The following UMAD1 variants were observed in gnomAD, a reference collection of about 807,000 sequenced individuals.
UMAD1 encodes UBAP1-MVB12-associated (UMA)-domain containing protein 1.
A neutral mutation model predicts 6.1 loss-of-function variants in UMAD1; 8 were observed. The ratio of observed to expected loss-of-function variants is 1.30; its 90% CI spans 0.76 to 2.35. The LOEUF is 2.35. UMAD1 is among the 30% of genes most tolerant of loss of function. UMAD1 has a pLI of 0.00. For missense variants in UMAD1, 130 were observed against 78.4 expected, an observed-to-expected ratio of 1.66 and a Z score of -2.49; for synonymous variants, 56 against 31.4, an observed-to-expected ratio of 1.78 and a Z score of -2.61.
chr7:7,729,973 T>C (rs1781215476), intron 2 of UMAD1, among the ~76,000 whole-genome samples: 1 of 152,230 alleles, frequency 6.6e-6, no homozygotes, highest in South Asian at 2.1e-4. Flanking sequence ...GTCTGGAGCC[T>C]ATGGTCAATA....
intron 2 of UMAD1, among the ~76,000 whole-genome samples, chr7:7,741,602 T>A (rs1583789965): frequency 1.4e-5 from 2 of 147,584 alleles, no homozygotes; most frequent in African/African-American, 4.9e-5. Flanking sequence ...ATAATAATAA[T>A]AATAATAATA....
chr7:7,654,772 C>G (rs977885111), intron 1 of UMAD1, among the ~76,000 whole-genome samples: 1 of 151,666 alleles, frequency 6.6e-6, no homozygotes, highest in Non-Finnish European at 1.5e-5. Context: ...GGTGTGGTGG[C>G]GGGTGCCTGT....
At chr7:7,807,792 G>A (rs890785840) in intron 3 of UMAD1, among the ~76,000 whole-genome samples, 1 of 151,998 alleles carries the variant, frequency 6.6e-6, no homozygotes, top group Non-Finnish European at 1.5e-5. Context: ...CAGAAAAATC[G>A]AAAGTTTTCA....
chr7:7,863,609 A>G (rs1353053043), intron 3 of UMAD1, among the ~76,000 whole-genome samples: 5 of 151,960 alleles, frequency 3.3e-5, no homozygotes, highest in African/African-American at 4.8e-5. Context: ...TGCCTTTTTT[A>G]TGTAAATGGG....
chr7:7,856,545 C>A (rs1784022169), intron 3 of UMAD1, among the ~76,000 whole-genome samples: 1 of 152,198 alleles, frequency 6.6e-6, no homozygotes, highest in South Asian at 2.1e-4. Flanking sequence ...GATTACAATT[C>A]AAGATGAGAT....
chr7:7,681,818 A>G lies in UMAD1; in HGVS notation c.82+8365A>G, dbSNP rs928323859. Among the ~76,000 whole-genome samples the G allele has an allele frequency of 4.6e-5, 7 of 152,166 alleles. No homozygotes were observed. The East Asian group carries it at 1.3e-3, about 29-fold the overall frequency. On this transcript the variant is annotated intron_variant, in intron 2 of 3. Coordinates refer to ENST00000682710, the MANE Select transcript of UMAD1 (RefSeq NM_001302348.2). ...TTATCTTTAAGTTGATTACAAATTT[A>G]CTAGTGTAGTGGCAAGCTCATAGTT...
At chr7:7,778,475 G>C (rs1782271885) in intron 2 of UMAD1, among the ~76,000 whole-genome samples, 1 of 151,174 alleles carries the variant, frequency 6.6e-6, no homozygotes, top group South Asian at 2.1e-4. Flanking sequence ...CCATGCTGGA[G>C]TGCAGGGGTG....
rs999497772 is a variant in UMAD1, at chr7:7,843,380, A to C, written c.157-33901A>C. ...AAGACTGGTAGATTCTCCTGTGAAG[A>C]ATAGTAAACCTGTTTTAAAGTGAAA... On this transcript the variant is annotated intron_variant, in intron 3 of 3. Transcript: ENST00000682710. Among the ~76,000 whole-genome samples, 13 of 152,324 alleles carry C rather than the reference A, an allele frequency of 8.5e-5. 1 individual carries two copies. In the South Asian group the frequency reaches 2.5e-3, roughly 29 times the overall value.
intron 2 of UMAD1, among the ~76,000 whole-genome samples, chr7:7,734,079 T>A (rs936363040): frequency 2.0e-5 from 3 of 152,176 alleles, no homozygotes; most frequent in Non-Finnish European, 4.4e-5. Context: ...ACCCTTTTTT[T>A]AAACTTTTGA....
intron 1 of UMAD1, among the ~76,000 whole-genome samples, chr7:7,652,365 ATATAGT>A (rs2115551402): frequency 6.6e-6 from 1 of 152,280 alleles, no homozygotes; most frequent in South Asian, 2.1e-4. Context: ...TTTTCAGTTG[ATATAGT>A]TATTACCAAT....
intron 1 of UMAD1, among the ~76,000 whole-genome samples, chr7:7,672,978 G>A (rs532941114): frequency 5.9e-4 from 90 of 152,148 alleles, no homozygotes; most frequent in Non-Finnish European, 9.0e-4. Context: ...ACCCAAACCA[G>A]TGTCTGTTTT....
intron 2 of UMAD1, chr7:7,718,404 C>G (rs1042611134): frequency 6.6e-6 from 1 of 152,082 alleles, no homozygotes; most frequent in East Asian, 1.9e-4. Context: ...TGAATAAGAA[C>G]GGAGTAAAAA....
At chr7:7,737,240 G>A (rs34627388) in intron 2 of UMAD1, among the ~76,000 whole-genome samples, 44,359 of 152,120 alleles carry the variant, frequency 0.29, 7,376 homozygotes, top group African/African-American at 0.46. Context: ...ACTTTGGTGA[G>A]TTAATTAACC....
At chr7:7,803,229 G>T (rs992103907) in intron 3 of UMAD1, among the ~76,000 whole-genome samples, 18 of 152,216 alleles carry the variant, frequency 1.2e-4, no homozygotes, top group Non-Finnish European at 1.3e-4. Context: ...TGGTCCCTGT[G>T]CTTTGGGAGG....
Position 7,796,244 on chromosome 7 carries a change from C to CTTTTTTTTTTTTTTTTTTTTTTTTTTTTT in UMAD1, c.83-5402_83-5401insTTTTTTTTTTTTTTTTTTTTTTTTTTTTT, listed in dbSNP as rs59221325. ...ACTTTGACCCATTTCTATTTTCTTT[C>CTTTTTTTTTTTTTTTTTTTTTTTTTTTTT]TTTTTTTTTTTTTTTTTTTTTTTTG... On this transcript the variant is annotated intron_variant, in intron 2 of 3. Coordinates refer to ENST00000682710, the MANE Select transcript of UMAD1 (RefSeq NM_001302348.2). 2.5e-4 allele frequency among the ~76,000 whole-genome samples: 16 copies of CTTTTTTTTTTTTTTTTTTTTTTTTTTTTT among 63,950 alleles called. 3 individuals are homozygous for CTTTTTTTTTTTTTTTTTTTTTTTTTTTTT. The highest frequency in any genetic ancestry group is 1.5e-3 in the African/African-American group (15 of 10,242). The allele number at this position is 63,950 out of a possible 152,430, so 42.0% of individuals were successfully genotyped here.
At chr7:7,683,686 G>A (rs1294223625) in intron 2 of UMAD1, among the ~76,000 whole-genome samples, 1 of 151,776 alleles carries the variant, frequency 6.6e-6, no homozygotes, top group Non-Finnish European at 1.5e-5. Flanking sequence ...GCAGTGGCAT[G>A]GTCTCTGTTC....
intron 1 of UMAD1, among the ~76,000 whole-genome samples, chr7:7,672,120 C>A (rs1379452119): frequency 6.6e-6 from 1 of 152,170 alleles, no homozygotes; most frequent in Non-Finnish European, 1.5e-5. Context: ...CTCACCCTCC[C>A]TTCTTGGTTT....
At chr7:7,871,972 A>C (rs1032641006) in intron 3 of UMAD1, among the ~76,000 whole-genome samples, 1 of 151,916 alleles carries the variant, frequency 6.6e-6, no homozygotes, top group African/African-American at 2.4e-5. Flanking sequence ...TCCTTGCCAC[A>C]CTCAGTCTCC....
chr7:7,651,339 G>T (rs1785219489), intron 1 of UMAD1, among the ~76,000 whole-genome samples: 1 of 152,142 alleles, frequency 6.6e-6, no homozygotes, highest in Non-Finnish European at 1.5e-5. Flanking sequence ...TTTGGCTGGG[G>T]TTTGGGGTTT....
Sources: allele counts gnomAD v4.1 joint callset (sites outside exome capture counted in the v4.1 genomes callset), GRCh38; gene constraint gnomAD v4.1.1; transcripts MANE v1.5; gene names NCBI Gene and HGNC (gene_info 2026-07-23, HGNC 2026-07-21).